The following BMPR1A variants were observed in gnomAD, a reference collection of about 807,000 sequenced individuals.
The protein encoded by BMPR1A is bone morphogenetic protein receptor type 1A.
A neutral mutation model predicts 66.0 loss-of-function variants in BMPR1A; 7 were observed. The ratio of observed to expected loss-of-function variants is 0.11; its 90% confidence interval spans 0.06 to 0.20. BMPR1A has a LOEUF of 0.20. BMPR1A is among the 10% of genes least tolerant of loss of function. The pLI is 1.00. For missense variants in BMPR1A, 408 were observed against 669.1 expected (o/e 0.61, Z 4.31); for synonymous variants, 200 against 229.7 (o/e 0.87, Z 1.17).
chr10:86,878,998 C>T (rs1842954669), intron 3 of BMPR1A, among the ~76,000 whole-genome samples: 1 of 151,992 alleles, frequency 6.6e-6, no homozygotes, highest in Admixed American at 6.6e-5. Flanking sequence ...AGAGCTTAAA[C>T]ATGACATTTT....
chr10:86,923,920 A>G lies in BMPR1A; in HGVS notation c.*201A>G. ...AACTTCTAAACACTTCATTCTTTATATATGGACAGCTTTATTTTAAATGTG... is the reference window on the plus strand; with the variant it reads ...AACTTCTAAACACTTCATTCTTTATGTATGGACAGCTTTATTTTAAATGTG... On this transcript the variant is annotated 3_prime_UTR_variant, in exon 13 of 13. Coordinates refer to ENST00000372037, the MANE Select transcript of BMPR1A (RefSeq NM_004329.3). 1.6e-6 allele frequency: 1 copy of G among 621,646 alleles called. No individual in the cohort carries two copies. The highest frequency in any genetic ancestry group is 2.8e-6 in the Non-Finnish European group (1 of 358,048). 38.5% of individuals were successfully genotyped at this position (621,646 alleles called of 1,614,324 possible). A position where few individuals can be genotyped will look rare whatever the true frequency, so the allele number is the denominator to read the frequency against.
At chr10:86,913,264 C>A (rs768093763) in intron 8 of BMPR1A, among the ~76,000 whole-genome samples, 29 of 151,028 alleles carry the variant, frequency 1.9e-4, no homozygotes, top group Non-Finnish European at 2.9e-4. Flanking sequence ...GCTGGAATTA[C>A]CAGATGCACC....
At chr10:86,870,034 A>G (rs1842835515) in intron 2 of BMPR1A, among the ~76,000 whole-genome samples, 1 of 152,110 alleles carries the variant, frequency 6.6e-6, no homozygotes, top group Non-Finnish European at 1.5e-5. Flanking sequence ...TATATTTATT[A>G]TTTTATCAGT....
intron 1 of BMPR1A, among the ~76,000 whole-genome samples, chr10:86,779,067 C>G (rs1324467790): frequency 6.6e-6 from 1 of 151,822 alleles, no homozygotes; most frequent in Non-Finnish European, 1.5e-5. Flanking sequence ...CATACTCAGC[C>G]CAGATTTTAT....
intron 1 of BMPR1A, among the ~76,000 whole-genome samples, chr10:86,777,153 A>G (rs11202169): frequency 0.14 from 21,609 of 152,126 alleles, 3,238 homozygotes; most frequent in African/African-American, 0.37. Flanking sequence ...AGTTGCAAAT[A>G]TTCTCAGTAC....
rs1486376508 is a variant in BMPR1A at position 86,924,802 on chromosome 10, A to G, written c.*1083A>G. 3.0e-5 allele frequency: 7 copies of G among 232,644 alleles called. No individual in the cohort carries two copies. The highest frequency in any genetic ancestry group is 1.5e-4 in the African/African-American group (7 of 45,330). 14.4% of individuals were successfully genotyped at this position (232,644 alleles called of 1,614,324 possible). ...ACATTCATACTGTAGAAACCAGCTC[A>G]TGTGTACCTCATATCCCATCCTTAA... On this transcript the variant is annotated 3_prime_UTR_variant, in exon 13 of 13. Coordinates refer to ENST00000372037, the MANE Select transcript of BMPR1A (RefSeq NM_004329.3).
intron 7 of BMPR1A, among the ~76,000 whole-genome samples, chr10:86,903,366 G>T (rs1776152274): frequency 1.3e-5 from 2 of 151,846 alleles, no homozygotes; most frequent in Non-Finnish European, 2.9e-5. Context: ...TGAAACTTTA[G>T]GAAATGAAAT....
At chr10:86,755,988 A>G (rs1847851901), upstream of BMPR1A, 1 of 152,212 alleles carries the variant, frequency 6.6e-6, no homozygotes, top group Non-Finnish European at 1.5e-5. Context: ...AACAAATGCA[A>G]TGTGACTTAT....
At chr10:86,814,368 G>GGATT (rs759912094) in intron 1 of BMPR1A, among the ~76,000 whole-genome samples, 1 of 151,794 alleles carries the variant, frequency 6.6e-6, no homozygotes, top group African/African-American at 2.4e-5. Context: ...CTTTCTCCAG[G>GGATT]GATTCCTGTT....
At chr10:86,907,240 T>G (rs995437826) in intron 7 of BMPR1A, among the ~76,000 whole-genome samples, 1 of 152,270 alleles carries the variant, frequency 6.6e-6, no homozygotes, top group African/African-American at 2.4e-5. Flanking sequence ...TAAGTTTATT[T>G]GGATGTTGTA....
chr10:86,810,272 C>G (rs1166015967), intron 1 of BMPR1A, among the ~76,000 whole-genome samples: 1 of 152,180 alleles, frequency 6.6e-6, no homozygotes, highest in Admixed American at 6.5e-5. Context: ...TGAGCCAACA[C>G]GCCTGGCTGC....
intron 1 of BMPR1A, among the ~76,000 whole-genome samples, chr10:86,773,826 T>A (rs1425329379): frequency 6.6e-6 from 1 of 151,810 alleles, no homozygotes; most frequent in Non-Finnish European, 1.5e-5. Context: ...GATATGCACA[T>A]TTTTAGCTGT....
At chr10:86,832,307 A>G (rs535898565) in intron 1 of BMPR1A, among the ~76,000 whole-genome samples, 2 of 152,248 alleles carry the variant, frequency 1.3e-5, no homozygotes, top group African/African-American at 2.4e-5. Flanking sequence ...CTCTACTAAA[A>G]ATACAAAAGT....
At chr10:86,877,250 G>T (rs994692281) in intron 3 of BMPR1A, among the ~76,000 whole-genome samples, 1 of 144,566 alleles carries the variant, frequency 6.9e-6, no homozygotes, top group Non-Finnish European at 1.5e-5. Flanking sequence ...CTCTGTCACC[G>T]AGGCTGGAGT....
At chr10:86,844,445 C>T (rs1842460063) in intron 2 of BMPR1A, among the ~76,000 whole-genome samples, 1 of 152,156 alleles carries the variant, frequency 6.6e-6, no homozygotes, top group African/African-American at 2.4e-5. Context: ...AAAATTCATT[C>T]AGTAGAATTC....
chr10:86,866,787 T>G (rs1650986268), intron 2 of BMPR1A, among the ~76,000 whole-genome samples: 1 of 152,056 alleles, frequency 6.6e-6, no homozygotes. Context: ...GTGCTCATGG[T>G]ATACCCGACA....
At chr10:86,827,423 AC>A (rs1380484700) in intron 1 of BMPR1A, among the ~76,000 whole-genome samples, 2 of 152,170 alleles carry the variant, frequency 1.3e-5, no homozygotes, top group Non-Finnish European at 2.9e-5. Flanking sequence ...CTATGAATAT[AC>A]CACAGTCCAT....
chr10:86,765,618 A>G (rs946777463), intron 1 of BMPR1A, among the ~76,000 whole-genome samples: 1 of 152,026 alleles, frequency 6.6e-6, no homozygotes, highest in Non-Finnish European at 1.5e-5. Context: ...TTTCTTTACT[A>G]CAAACCTTCT....
chr10:86,931,278 T>TACACACACACAC (rs1554892369), downstream of BMPR1A: 2 of 104,768 alleles, frequency 1.9e-5, no homozygotes, highest in African/African-American at 5.5e-5. Context: ...TATATATATA[T>TACACACACACAC]ATACACACAC....
Sources: gnomAD v4.1 joint callset for allele counts (sites outside exome capture counted in the v4.1 genomes callset) on GRCh38, gnomAD v4.1.1 for gene constraint, MANE v1.5 for transcripts, NCBI Gene and HGNC (gene_info 2026-07-23, HGNC 2026-07-21) for gene names.